The following MED27 variants were observed in gnomAD, a reference collection of about 807,000 sequenced individuals.
The protein encoded by MED27 is mediator of RNA polymerase II transcription subunit 27.
In MED27, 30 loss-of-function variants were observed where a neutral mutation model predicts 38.2. That is an observed-to-expected ratio of 0.79 (90% CI 0.59 to 1.07). The LOEUF is 1.07. MED27 is among the 50% of genes least tolerant of loss of function. The probability of loss-of-function intolerance (pLI) is 0.00; values close to 1 mark genes in which losing one functional copy is unlikely to be tolerated. For synonymous variants in MED27, 122 were observed against 153.5 expected, an observed-to-expected ratio of 0.79 and a Z score of 1.52; for missense variants, 289 against 397.5, an observed-to-expected ratio of 0.73 and a Z score of 2.32.
At chr9:132,065,383 G>GGC (rs1833787449) in intron 2 of MED27, among the ~76,000 whole-genome samples, 2 of 152,174 alleles carry the variant, frequency 1.3e-5, no homozygotes, top group African/African-American at 4.8e-5. Flanking sequence ...GGAGAAGAGC[G>GGC]GCGGGCATCT....
chr9:131,929,778 G>T (rs1830547858), intron 4 of MED27, among the ~76,000 whole-genome samples: 1 of 152,176 alleles, frequency 6.6e-6, no homozygotes, highest in African/African-American at 2.4e-5. Flanking sequence ...CTGGCTCTCA[G>T]ACAGCATCTG....
chr9:131,869,162 G>A, intron 6 of MED27: 1 of 985,314 alleles, frequency 1.0e-6, no homozygotes, highest in South Asian at 4.7e-5. Context: ...TTTAATAAAG[G>A]AAACAGAGCT....
chr9:132,064,148 G>A (rs931283637), intron 2 of MED27, among the ~76,000 whole-genome samples: 1 of 152,170 alleles, frequency 6.6e-6, no homozygotes, highest in Non-Finnish European at 1.5e-5. Context: ...AGAATACCAA[G>A]TGTGACTTTA....
At chr9:132,062,326 C>T (rs1400568988) in intron 2 of MED27, among the ~76,000 whole-genome samples, 2 of 152,186 alleles carry the variant, frequency 1.3e-5, no homozygotes, top group Admixed American at 6.5e-5. Flanking sequence ...GGGCAGGTGG[C>T]CTGCAGAAGC....
chr9:132,063,750 G>C (rs1300034885), intron 2 of MED27, among the ~76,000 whole-genome samples: 4 of 152,190 alleles, frequency 2.6e-5, no homozygotes, highest in South Asian at 2.1e-4. Flanking sequence ...CACCGCTCAA[G>C]TGTTCAGGGG....
chr9:132,046,432 T>TA lies in MED27; in HGVS notation c.348+31009dup, dbSNP rs888348014. Among the ~76,000 whole-genome samples the TA allele has an allele frequency of 5.4e-3, 786 of 146,392 alleles. 3 individuals carry two copies. Among genetic ancestry groups the TA allele is most frequent in the African/African-American group, 0.014 (544 of 40,146 alleles). On this transcript the variant is annotated intron_variant, in intron 2 of 7. Coordinates refer to ENST00000292035, the MANE Select transcript of MED27 (RefSeq NM_004269.4). ...TTTAGTAATAGGTACCAAGAGTCTT[T>TA]AAAAAAAAAAAATCCATACATTATT...
intron 2 of MED27, among the ~76,000 whole-genome samples, chr9:132,069,980 A>T (rs1475297360): frequency 1.3e-5 from 2 of 152,186 alleles, no homozygotes; most frequent in Non-Finnish European, 2.9e-5. Context: ...AGCACGCCAC[A>T]CTGGGCACCG....
intron 3 of MED27, among the ~76,000 whole-genome samples, chr9:131,974,410 A>G (rs1425226785): frequency 6.6e-6 from 1 of 152,204 alleles, no homozygotes; most frequent in Non-Finnish European, 1.5e-5. Context: ...CAACCTCATT[A>G]CCATTCTTAC....
intron 6 of MED27, among the ~76,000 whole-genome samples, chr9:131,876,685 A>G (rs1477916707): frequency 6.6e-6 from 1 of 151,996 alleles, no homozygotes; most frequent in East Asian, 1.9e-4. Flanking sequence ...CTGTCAGCTG[A>G]GGGAAGGGCT....
intron 2 of MED27, among the ~76,000 whole-genome samples, chr9:132,041,276 G>C (rs542678219): frequency 6.6e-6 from 1 of 152,194 alleles, no homozygotes; most frequent in South Asian, 2.1e-4. Context: ...CAGTCATGCT[G>C]AGAGCCCAGA....
At chr9:131,944,588 C>T (rs1450168331) in intron 3 of MED27, among the ~76,000 whole-genome samples, 7 of 148,800 alleles carry the variant, frequency 4.7e-5, no homozygotes, top group South Asian at 2.1e-4. Context: ...AGTGCAGTGG[C>T]GCAATCTCAG....
chr9:131,951,097 C>CAGGAA (rs1830986708), intron 3 of MED27, among the ~76,000 whole-genome samples: 1 of 152,190 alleles, frequency 6.6e-6, no homozygotes, highest in African/African-American at 2.4e-5. Context: ...ACAGACCTTC[C>CAGGAA]TGGGCGAGGT....
Position 131,872,870 on chromosome 9 carries a change from G to T in MED27, c.724-9730C>A, listed in dbSNP as rs1838861723. On this transcript the variant is annotated intron_variant, in intron 6 of 7. Transcript: ENST00000292035. This position sits in a 1 kb window ranked among gnomAD's most constrained non-coding sequence, Gnocchi z 5.6. ...GATTCCAGGCCAGTTCAAAGAGCTT[G>T]AGGATTCAGCTTGGAACCAGGGAGG... 6.6e-6 allele frequency among the ~76,000 whole-genome samples: 1 copy of T among 152,252 alleles called. No homozygotes were observed. Among genetic ancestry groups the T allele is most frequent in the South Asian group, 2.1e-4 (1 of 4,834 alleles).
At chr9:131,915,686 T>A (rs1294984855) in intron 4 of MED27, among the ~76,000 whole-genome samples, 4 of 152,244 alleles carry the variant, frequency 2.6e-5, no homozygotes, top group Admixed American at 6.5e-5. Context: ...CCCACTCCCA[T>A]GCCCACTGCC....
intron 3 of MED27, among the ~76,000 whole-genome samples, chr9:131,993,158 G>T (rs1441569870): frequency 1.3e-5 from 2 of 151,850 alleles, no homozygotes; most frequent in Non-Finnish European, 2.9e-5. Flanking sequence ...TGTATTTCTA[G>T]AGTCTACCAC....
intron 5 of MED27, among the ~76,000 whole-genome samples, chr9:131,890,401 G>T (rs1757335882): frequency 6.6e-6 from 1 of 152,200 alleles, no homozygotes; most frequent in South Asian, 2.1e-4. Context: ...ATGTCAACCA[G>T]GGTCCCAAAT....
intron 4 of MED27, among the ~76,000 whole-genome samples, chr9:131,911,543 T>C (rs949170501): frequency 4.6e-5 from 7 of 152,186 alleles, no homozygotes; most frequent in Non-Finnish European, 8.8e-5. Flanking sequence ...CCAGGAACAT[T>C]TGCTTCGTGG....
At chr9:131,905,701 C>CAAAAAAAAAAAAAAAAAA (rs58848280) in intron 4 of MED27, among the ~76,000 whole-genome samples, 2 of 60,922 alleles carry the variant, frequency 3.3e-5, no homozygotes, top group African/African-American at 7.4e-5. Context: ...AAGACCTTGT[C>CAAAAAAAAAAAAAAAAAA]AAAAAAAAAA....
chr9:131,997,728 C>T lies in MED27; in HGVS notation c.479+16609G>A, dbSNP rs1354989838. 6.6e-6 allele frequency among the ~76,000 whole-genome samples: 1 copy of T among 152,224 alleles called. No individual in the cohort carries two copies. The highest frequency in any genetic ancestry group is 1.5e-5 in the Non-Finnish European group (1 of 68,040). On this transcript the variant is annotated intron_variant, in intron 3 of 7. Transcript: ENST00000292035. This position sits in a 1 kb window ranked among gnomAD's most constrained non-coding sequence, Gnocchi z 4.0. Reference sequence around the variant, plus strand: ...TGTGCCCAGGTTTGAATTCCAGTCCCAGCACTTCCTAGCTGGGGGCCTCCA... The same window carrying T: ...TGTGCCCAGGTTTGAATTCCAGTCCTAGCACTTCCTAGCTGGGGGCCTCCA...
Sources: gnomAD v4.1 joint callset for allele counts (sites outside exome capture counted in the v4.1 genomes callset) on GRCh38, gnomAD v4.1.1 for gene constraint, Gnocchi (gnomAD v3.1) non-coding constraint, MANE v1.5 for transcripts, NCBI Gene and HGNC (gene_info 2026-07-23, HGNC 2026-07-21) for gene names.